LAMB4: variants seen among roughly 807,000 people sequenced by gnomAD.
LAMB4 encodes the protein laminin subunit beta 4.
Under a neutral mutation model 199.2 loss-of-function variants are expected in LAMB4, and 196 were observed. The observed-to-expected ratio is 0.98, with a 90% CI of 0.88 to 1.11. The LOEUF (loss-of-function observed/expected upper bound fraction) is 1.11. Ranked by LOEUF, LAMB4 falls within the 50% of genes least tolerant of loss-of-function variation. LAMB4 has a pLI of 0.00. For synonymous variants in LAMB4, 744 were observed against 770.6 expected (o/e 0.97, Z 0.57); for missense variants, 2,080 against 2,171.2 (o/e 0.96, Z 0.83).
At chr7:108,092,483 A>C in intron 12 of LAMB4, 67 bp from the exon 13 acceptor site, 1 of 1,161,184 alleles carries the variant, frequency 8.6e-7, no homozygotes, top group Non-Finnish European at 1.3e-6. Flanking sequence ...TGCAACACTG[A>C]AATCACTACA....
chr7:108,029,436 T>C (rs750883785), intron 32 of LAMB4, among the ~76,000 whole-genome samples: 2 of 152,218 alleles, frequency 1.3e-5, no homozygotes. Context: ...GCAATTGTTA[T>C]TGCATGTTAA....
At chr7:108,090,980 T>C (rs374617770) in intron 14 of LAMB4, among the ~76,000 whole-genome samples, 3 of 152,206 alleles carry the variant, frequency 2.0e-5, no homozygotes, top group African/African-American at 7.2e-5. Context: ...ATTCCAGGAA[T>C]GACTCGGTTC....
chr7:108,080,792 T>A (rs2036900570), intron 14 of LAMB4, among the ~76,000 whole-genome samples: 1 of 151,316 alleles, frequency 6.6e-6, no homozygotes, highest in African/African-American at 2.4e-5. Flanking sequence ...TGTAAAGTCA[T>A]CAATATACAA....
At chr7:108,044,637 T>A (rs1312247722) in intron 28 of LAMB4, among the ~76,000 whole-genome samples, 1 of 152,118 alleles carries the variant, frequency 6.6e-6, no homozygotes, top group Non-Finnish European at 1.5e-5. Context: ...TAGGGCTAGT[T>A]AGGATCAAAC....
downstream of LAMB4, among the ~76,000 whole-genome samples, chr7:108,020,635 T>C (rs2034673518): frequency 6.6e-6 from 1 of 152,126 alleles, no homozygotes; most frequent in East Asian, 1.9e-4. Flanking sequence ...GAGCTGTGCC[T>C]TCTACAATGA....
intron 14 of LAMB4, among the ~76,000 whole-genome samples, chr7:108,090,308 A>G (rs911674332): frequency 2.0e-5 from 3 of 152,204 alleles, no homozygotes; most frequent in Admixed American, 6.5e-5. Context: ...AGAGAACGAA[A>G]ATTATTCACA....
chr7:108,052,685 A>C (rs1415180711), intron 25 of LAMB4, among the ~76,000 whole-genome samples: 1 of 152,136 alleles, frequency 6.6e-6, no homozygotes, highest in Non-Finnish European at 1.5e-5. Context: ...ATTTAGAATC[A>C]ATCTGCATTC....
chr7:108,090,792 A>G (rs2037369252), intron 14 of LAMB4, among the ~76,000 whole-genome samples: 1 of 152,212 alleles, frequency 6.6e-6, no homozygotes, highest in Non-Finnish European at 1.5e-5. Context: ...GACCACGAAG[A>G]AGAACCCAGA....
At chr7:108,052,582 A>G (rs1269445355) in intron 25 of LAMB4, among the ~76,000 whole-genome samples, 5 of 152,220 alleles carry the variant, frequency 3.3e-5, no homozygotes, top group African/African-American at 1.2e-4. Flanking sequence ...GCATTCAGAC[A>G]TGCTTCAATT....
At chr7:108,023,245 C>A (rs187150738), downstream of LAMB4, among the ~76,000 whole-genome samples, 39 of 152,276 alleles carry the variant, frequency 2.6e-4, no homozygotes, top group East Asian at 6.7e-3. Flanking sequence ...AATAAACTTT[C>A]TGAAGGATCG....
chr7:108,086,474 T>A (rs904436668), intron 14 of LAMB4, among the ~76,000 whole-genome samples: 2 of 152,038 alleles, frequency 1.3e-5, no homozygotes, highest in Non-Finnish European at 2.9e-5. Context: ...CTGAAAAAAA[T>A]TTCACAAAAA....
intron 20 of LAMB4, 109 bp downstream of exon 20, chr7:108,066,260 C>T: frequency 4.9e-6 from 4 of 815,480 alleles, no homozygotes; most frequent in South Asian, 1.7e-5. Context: ...TATAACAGTC[C>T]TCCCTCCCAC....
chr7:108,038,411 TTG>T (rs2035304361), intron 29 of LAMB4, among the ~76,000 whole-genome samples: 3 of 152,190 alleles, frequency 2.0e-5, no homozygotes, highest in Non-Finnish European at 2.9e-5. Context: ...TCCACCCACC[TTG>T]CCCTCCCAAA....
At chr7:108,095,948 G>A (rs1218037034) in intron 11 of LAMB4, among the ~76,000 whole-genome samples, 1 of 152,152 alleles carries the variant, frequency 6.6e-6, no homozygotes, top group African/African-American at 2.4e-5. Context: ...TGGCACCTCT[G>A]TACAATAGTA....
At chr7:108,073,271 G>T (rs1481978984) in intron 17 of LAMB4, among the ~76,000 whole-genome samples, 1 of 152,216 alleles carries the variant, frequency 6.6e-6, no homozygotes, top group Middle Eastern at 3.2e-3. Context: ...CTCCCAAAGT[G>T]CTGGGATTAC....
chr7:108,097,291 T>G (rs2037644380), intron 11 of LAMB4, among the ~76,000 whole-genome samples: 1 of 152,220 alleles, frequency 6.6e-6, no homozygotes, highest in Admixed American at 6.5e-5. Flanking sequence ...AATCTGTAGC[T>G]CTACGGAGGC....
intron 2 of LAMB4, among the ~76,000 whole-genome samples, chr7:108,119,676 C>CTGT (rs2038532432): frequency 2.0e-5 from 3 of 152,098 alleles, no homozygotes; most frequent in Admixed American, 1.3e-4. Flanking sequence ...GGTGGTGGAA[C>CTGT]TGTTCTGTAT....
chr7:108,070,819 G>T (rs1032583871), intron 17 of LAMB4, among the ~76,000 whole-genome samples: 4 of 152,078 alleles, frequency 2.6e-5, no homozygotes, highest in African/African-American at 9.7e-5. Flanking sequence ...CCCCCAAATT[G>T]TTCAAAAGTC....
chr7:108,115,486 T>C (rs2038373375), intron 3 of LAMB4, among the ~76,000 whole-genome samples: 1 of 152,048 alleles, frequency 6.6e-6, no homozygotes, highest in Non-Finnish European at 1.5e-5. Context: ...CTGGGCAACA[T>C]AGTGAGACCC....
Sources: allele counts gnomAD v4.1 joint callset (sites outside exome capture counted in the v4.1 genomes callset), GRCh38; gene constraint gnomAD v4.1.1; transcripts MANE v1.5; gene names NCBI Gene and HGNC (gene_info 2026-07-23, HGNC 2026-07-21).